KIRREL3: variants seen among roughly 807,000 people sequenced by gnomAD.
KIRREL3 encodes kin of IRRE-like protein 3.
KIRREL3 carries 36 observed loss-of-function variants against 89.7 expected under a neutral mutation model. The ratio of observed to expected loss-of-function variants is 0.40; its 90% CI spans 0.31 to 0.53. The LOEUF (loss-of-function observed/expected upper bound fraction) is 0.53. Ranked by LOEUF, KIRREL3 falls within the 20% of genes least tolerant of loss-of-function variation. KIRREL3 has a pLI of 0.49. For synonymous variants in KIRREL3, 445 were observed against 441.4 expected (o/e 1.01, Z -0.10); for missense variants, 864 against 1,056.6 (o/e 0.82, Z 2.53).
At chr11:126,662,045 CAT>C (rs1280031066) in intron 1 of KIRREL3, among the ~76,000 whole-genome samples, 1 of 152,048 alleles carries the variant, frequency 6.6e-6, no homozygotes, top group Non-Finnish European at 1.5e-5. Flanking sequence ...CCAAAACGCC[CAT>C]TGAGAGGAAG....
At chr11:126,478,676 T>G (rs528426957) in intron 4 of KIRREL3, among the ~76,000 whole-genome samples, 1 of 152,170 alleles carries the variant, frequency 6.6e-6, no homozygotes, top group African/African-American at 2.4e-5. Context: ...TATGTATGTG[T>G]ATGTATGTGC....
intron 7 of KIRREL3, among the ~76,000 whole-genome samples, chr11:126,450,987 GTCAATGTGCA>G: frequency 6.6e-6 from 1 of 151,608 alleles, no homozygotes; most frequent in Non-Finnish European, 1.5e-5. Flanking sequence ...GTGTGCATGT[GTCAATGTGCA>G]TGTGTGCACG....
At chr11:126,439,147 A>G (rs1228243254) in intron 11 of KIRREL3, among the ~76,000 whole-genome samples, 2 of 152,170 alleles carry the variant, frequency 1.3e-5, no homozygotes, top group East Asian at 1.9e-4. Flanking sequence ...CTTGGCCAAC[A>G]TGGTGAAACC....
At chr11:126,514,872 C>T (rs1016420465) in intron 4 of KIRREL3, among the ~76,000 whole-genome samples, 18 of 132,882 alleles carry the variant, frequency 1.4e-4, no homozygotes, top group African/African-American at 6.2e-4. Flanking sequence ...CACAACAAAA[C>T]ACAATTGTCA....
intron 1 of KIRREL3, among the ~76,000 whole-genome samples, chr11:126,738,196 C>T (rs77005343): frequency 0.012 from 1,875 of 152,266 alleles, 43 homozygotes; most frequent in African/African-American, 0.042. Context: ...CAAAATCCGA[C>T]GCATTTTCAT....
intron 4 of KIRREL3, among the ~76,000 whole-genome samples, chr11:126,518,307 C>G (rs570754260): frequency 3.3e-5 from 5 of 152,340 alleles, no homozygotes; most frequent in South Asian, 2.1e-4. Context: ...CATCTGAGCA[C>G]GCTGCCGGCA....
intron 13 of KIRREL3, among the ~76,000 whole-genome samples, chr11:126,433,875 G>T (rs1016713619): frequency 6.6e-6 from 1 of 152,240 alleles, no homozygotes; most frequent in Non-Finnish European, 1.5e-5. Flanking sequence ...ACACCTCTGG[G>T]CCTCAGTGCC....
At position 126,570,039 on chromosome 11, in the gene KIRREL3, C is replaced by G. The variant is rs576403946; in HGVS notation, c.56-7127G>C. On this transcript the variant is annotated intron_variant, in intron 1 of 16. Transcript: ENST00000525144. This position sits in a 1 kb window ranked among gnomAD's most constrained non-coding sequence, Gnocchi z 6.1. ...GCAAAGATCATAATTTTCTGATCAA[C>G]CTCTATCATAAAGAGGACTGAAGAG... is the stretch of plus-strand genomic sequence containing the variant. Among the ~76,000 whole-genome samples the G allele has an allele frequency of 1.1e-4, 17 of 152,258 alleles. 1 individual carries two copies. The highest frequency in any genetic ancestry group is 3.6e-4 in the African/African-American group (15 of 41,544).
rs991434733 is a variant in KIRREL3 at position 126,708,168 on chromosome 11, G to A, written c.56-145256C>T. Among the ~76,000 whole-genome samples, 4 of 152,116 alleles carry A rather than the reference G, an allele frequency of 2.6e-5. No homozygotes were observed. The highest frequency in any genetic ancestry group is 4.4e-5 in the Non-Finnish European group (3 of 68,032). ...GTGTGAAAGGACTCCCTGGTCAGGC[G>A]GTATTCATGCCGCCTGGAAACTCAT... On this transcript the variant is annotated intron_variant, in intron 1 of 16. Coordinates refer to ENST00000525144, the MANE Select transcript of KIRREL3 (RefSeq NM_032531.4). The surrounding 1 kb of genome is among the most constrained non-coding windows in gnomAD (Gnocchi z 5.7).
intron 1 of KIRREL3, among the ~76,000 whole-genome samples, chr11:126,654,280 A>G (rs906783200): frequency 2.6e-5 from 4 of 151,792 alleles, no homozygotes; most frequent in African/African-American, 9.7e-5. Context: ...TTACCACTTC[A>G]GTGATAGAAT....
In KIRREL3 at chr11:126,989,901, G is replaced by A. The variant is rs1443755841; in HGVS notation, c.55+10554C>T. Among the ~76,000 whole-genome samples the A allele has an allele frequency of 6.6e-6, 1 of 152,220 alleles. No homozygotes were observed. Among genetic ancestry groups the A allele is most frequent in the African/African-American group, 2.4e-5 (1 of 41,454 alleles). ...TGGAAATTAGTAATACCATCCAGAG[G>A]TGAAAACAGAGTAGCACCTCCACAG... On this transcript the variant is annotated intron_variant, in intron 1 of 16. Coordinates refer to ENST00000525144, the MANE Select transcript of KIRREL3 (RefSeq NM_032531.4). The surrounding 1 kb of genome is among the most constrained non-coding windows in gnomAD (Gnocchi z 6.2).
chr11:126,864,800 A>G (rs1944865386), intron 1 of KIRREL3, among the ~76,000 whole-genome samples: 1 of 152,212 alleles, frequency 6.6e-6, no homozygotes, highest in Admixed American at 6.5e-5. Context: ...TGATGGAGCT[A>G]GGATTCAAAT....
Position 126,976,133 on chromosome 11 carries a change from A to G in KIRREL3, c.55+24322T>C, listed in dbSNP as rs1026152449. Among the ~76,000 whole-genome samples the G allele has an allele frequency of 2.0e-5, 3 of 151,882 alleles. No individual in the cohort carries two copies. The highest frequency in any genetic ancestry group is 4.8e-5 in the African/African-American group (2 of 41,312). On this transcript the variant is annotated intron_variant, in intron 1 of 16. Coordinates refer to ENST00000525144, the MANE Select transcript of KIRREL3 (RefSeq NM_032531.4). This position sits in a 1 kb window ranked among gnomAD's most constrained non-coding sequence, Gnocchi z 4.2. ...TACAGAGGATGCTGAGAAGCACATT[A>G]TTTGTCACCATGCCACATTGTTAGC...
chr11:126,828,585 G>A (rs1406929479), intron 1 of KIRREL3, among the ~76,000 whole-genome samples: 1 of 152,170 alleles, frequency 6.6e-6, no homozygotes, highest in East Asian at 1.9e-4. Flanking sequence ...CATGAAGGGT[G>A]CACTCTGCTG....
chr11:126,767,960 C>T (rs770600646), intron 1 of KIRREL3, among the ~76,000 whole-genome samples: 1 of 152,146 alleles, frequency 6.6e-6, no homozygotes, highest in Non-Finnish European at 1.5e-5. Context: ...CTCTAATGTC[C>T]CCATCAGCTA....
intron 1 of KIRREL3, among the ~76,000 whole-genome samples, chr11:126,593,716 A>T (rs1942260032): frequency 6.6e-6 from 1 of 152,218 alleles, no homozygotes; most frequent in Non-Finnish European, 1.5e-5. Flanking sequence ...TTCTGAGTGA[A>T]CGTGCATATA....
At position 126,551,994 on chromosome 11, in the gene KIRREL3, T is replaced by C. The variant is rs1434979146; in HGVS notation, c.133+10841A>G. On this transcript the variant is annotated intron_variant, in intron 2 of 16. Coordinates refer to ENST00000525144, the MANE Select transcript of KIRREL3 (RefSeq NM_032531.4). This position sits in a 1 kb window ranked among gnomAD's most constrained non-coding sequence, Gnocchi z 4.9. The stretch of plus-strand genomic sequence containing the variant: ...GAAAAGATTCCAAAACCAGGAGTGG[T>C]CCCAGCAAACACAGCTTCCCCCTTC... 6.6e-6 allele frequency among the ~76,000 whole-genome samples: 1 copy of C among 152,172 alleles called. No individual in the cohort carries two copies. The highest frequency in any genetic ancestry group is 1.5e-5 in the Non-Finnish European group (1 of 68,026).
chr11:126,622,704 CA>C lies in KIRREL3; in HGVS notation c.56-59793del, dbSNP rs1353550443. Among the ~76,000 whole-genome samples, 2 of 152,078 alleles carry C rather than the reference CA, an allele frequency of 1.3e-5. No homozygotes were observed. The highest frequency in any genetic ancestry group is 4.8e-5 in the African/African-American group (2 of 41,422). On this transcript the variant is annotated intron_variant, in intron 1 of 16. Transcript: ENST00000525144. The surrounding 1 kb of genome is among the most constrained non-coding windows in gnomAD (Gnocchi z 5.2). ...AACTCTGTCTCAAAAAACAAAAAAA[CA>C]AATAAAAACTCCACAAAACTTCAGT...
chr11:126,893,304 T>C (rs544232519), intron 1 of KIRREL3, among the ~76,000 whole-genome samples: 1 of 152,310 alleles, frequency 6.6e-6, no homozygotes, highest in East Asian at 1.9e-4. Context: ...CAGGCAGCAA[T>C]TAGCAAAGGT....
Sources: allele counts gnomAD v4.1 joint callset (sites outside exome capture counted in the v4.1 genomes callset), GRCh38; gene constraint gnomAD v4.1.1; non-coding constraint Gnocchi (gnomAD v3.1); transcripts MANE v1.5; gene names NCBI Gene and HGNC (gene_info 2026-07-23, HGNC 2026-07-21).